Variants in SGCZ observed in about 807,000 individuals in gnomAD.
SGCZ encodes the protein sarcoglycan zeta, also known as zeta-sarcoglycan.
SGCZ carries 40 observed loss-of-function variants against 41.3 expected under a neutral mutation model. The ratio of observed to expected loss-of-function variants is 0.97; its 90% CI spans 0.75 to 1.26. SGCZ has a LOEUF of 1.26. SGCZ is among the 50% of genes most tolerant of loss of function. The pLI is 0.00. For synonymous variants in SGCZ, 206 were observed against 137.5 expected (o/e 1.50, Z -3.49); for missense variants, 552 against 369.8 (o/e 1.49, Z -4.04).
At chr8:15,188,375 ATC>A (rs1400018016) in intron 1 of SGCZ, among the ~76,000 whole-genome samples, 1 of 152,152 alleles carries the variant, frequency 6.6e-6, no homozygotes, top group Non-Finnish European at 1.5e-5. Context: ...ATTTTAAAGT[ATC>A]TCTCTGTTAA....
intron 1 of SGCZ, among the ~76,000 whole-genome samples, chr8:15,021,452 G>T (rs73665370): frequency 3.7e-4 from 56 of 152,290 alleles, no homozygotes; most frequent in African/African-American, 1.2e-3. Flanking sequence ...ATCAGAATCT[G>T]TTGGCTTATC....
At chr8:14,263,173 CA>C (rs1475684087) in intron 3 of SGCZ, among the ~76,000 whole-genome samples, 2 of 151,872 alleles carry the variant, frequency 1.3e-5, no homozygotes, top group African/African-American at 4.8e-5. Context: ...TATTTTTCAA[CA>C]AATCGTAAGT....
chr8:14,944,338 G>C (rs1246243470), intron 1 of SGCZ, among the ~76,000 whole-genome samples: 3 of 152,098 alleles, frequency 2.0e-5, no homozygotes, highest in African/African-American at 7.2e-5. Context: ...GAATATTTTT[G>C]AATAACCAGT....
Position 14,776,577 on chromosome 8 carries a change from T to C in SGCZ, c.40-221651A>G, listed in dbSNP as rs1442339817. On this transcript the variant is annotated intron_variant, in intron 1 of 7. Transcript: ENST00000382080. ...TCTGTCGCCCATGCTCACTGCAAGC[T>C]CAGCCTCCCGGGTTCAGGCCATTCT... 2.1e-5 allele frequency among the ~76,000 whole-genome samples: 3 copies of C among 143,746 alleles called. No homozygotes were observed. The Admixed American group carries it at 2.3e-4, about 11-fold the overall frequency. 94.3% of individuals were successfully genotyped at this position (143,746 alleles called of 152,430 possible).
At chr8:14,508,524 A>G (rs1802374877) in intron 2 of SGCZ, among the ~76,000 whole-genome samples, 1 of 152,096 alleles carries the variant, frequency 6.6e-6, no homozygotes, top group African/African-American at 2.4e-5. Flanking sequence ...TGCCACTTGA[A>G]CTAGGCATGT....
At chr8:15,166,243 CTT>C (rs1167112993) in intron 1 of SGCZ, among the ~76,000 whole-genome samples, 1 of 129,310 alleles carries the variant, frequency 7.7e-6, no homozygotes, top group Non-Finnish European at 1.7e-5. Flanking sequence ...TTTTTTTTTT[CTT>C]TTTTTTTTTT....
intron 3 of SGCZ, among the ~76,000 whole-genome samples, chr8:14,249,031 G>A (rs1158427701): frequency 1.3e-5 from 2 of 152,178 alleles, no homozygotes; most frequent in Admixed American, 6.5e-5. Flanking sequence ...CAGTTAGACT[G>A]GAGATGGGTG....
rs1026723226 is a variant in SGCZ, at chr8:14,309,527, T to C, written c.336+14576A>G. The C allele has an allele frequency of 3.1e-6, 5 of 1,609,914 alleles. No homozygotes were observed. In the African/African-American group the frequency reaches 5.4e-5, roughly 17 times the overall value. On this transcript the variant is annotated intron_variant, in intron 3 of 7. Coordinates refer to ENST00000382080, the MANE Select transcript of SGCZ (RefSeq NM_139167.4). The stretch of plus-strand genomic sequence containing the variant: ...TAAGAGAGCAGTGTGGACTACTGAA[T>C]GTGAAAACAAAGAAGCTGTTACACA...
intron 1 of SGCZ, among the ~76,000 whole-genome samples, chr8:15,230,829 T>A (rs1427710244): frequency 6.6e-6 from 1 of 152,156 alleles, no homozygotes; most frequent in Non-Finnish European, 1.5e-5. Context: ...TTGGACAAAT[T>A]CTTCAACTGT....
intron 1 of SGCZ, among the ~76,000 whole-genome samples, chr8:14,923,431 T>C (rs1172661188): frequency 6.6e-6 from 1 of 152,158 alleles, no homozygotes; most frequent in African/African-American, 2.4e-5. Flanking sequence ...GCAGAGACAA[T>C]GTAGAGATGG....
chr8:14,972,748 T>C (rs529799312), intron 1 of SGCZ, among the ~76,000 whole-genome samples: 1 of 152,316 alleles, frequency 6.6e-6, no homozygotes, highest in East Asian at 1.9e-4. Flanking sequence ...ACCACTTCAA[T>C]TAGAGTTTAA....
intron 1 of SGCZ, among the ~76,000 whole-genome samples, chr8:14,918,507 A>T (rs1296766601): frequency 6.6e-6 from 1 of 152,182 alleles, no homozygotes. Context: ...GGATCTTCCT[A>T]CTCACTAGAA....
At chr8:14,752,993 T>A (rs1431666191) in intron 1 of SGCZ, among the ~76,000 whole-genome samples, 1 of 152,204 alleles carries the variant, frequency 6.6e-6, no homozygotes, top group Non-Finnish European at 1.5e-5. Flanking sequence ...CAGCAATTGG[T>A]CTGTTTTCAT....
At chr8:14,630,087 T>C (rs1193106858) in intron 1 of SGCZ, among the ~76,000 whole-genome samples, 1 of 152,170 alleles carries the variant, frequency 6.6e-6, no homozygotes, top group Non-Finnish European at 1.5e-5. Flanking sequence ...AGGAAGGTTT[T>C]CCTTAAGCAT....
intron 2 of SGCZ, among the ~76,000 whole-genome samples, chr8:14,338,534 T>G (rs563580087): frequency 6.6e-6 from 1 of 152,316 alleles, no homozygotes; most frequent in Non-Finnish European, 1.5e-5. Context: ...TGTCACAGCT[T>G]GATTTCTCTC....
intron 1 of SGCZ, among the ~76,000 whole-genome samples, chr8:14,723,153 G>T (rs781569762): frequency 5.9e-5 from 9 of 152,202 alleles, no homozygotes; most frequent in African/African-American, 2.2e-4. Flanking sequence ...CCAGGGAAGT[G>T]CCACTCCCAT....
intron 1 of SGCZ, among the ~76,000 whole-genome samples, chr8:15,187,873 CAAAAAT>C (rs1281113828): frequency 6.6e-6 from 1 of 151,416 alleles, no homozygotes; most frequent in Non-Finnish European, 1.5e-5. Flanking sequence ...TTTTATAAAA[CAAAAAT>C]AAACTCACCA....
At chr8:14,333,903 T>G (rs1802421492) in intron 2 of SGCZ, among the ~76,000 whole-genome samples, 1 of 152,132 alleles carries the variant, frequency 6.6e-6, no homozygotes. Flanking sequence ...CACAGATGTT[T>G]AGGAAGTCTA....
At chr8:15,097,813 T>C (rs1806412876) in intron 1 of SGCZ, among the ~76,000 whole-genome samples, 4 of 101,184 alleles carry the variant, frequency 4.0e-5, no homozygotes, top group Admixed American at 9.3e-5. Context: ...TATATATATA[T>C]ACGTGTGTGT....
Sources: allele counts gnomAD v4.1 joint callset (sites outside exome capture counted in the v4.1 genomes callset), GRCh38; gene constraint gnomAD v4.1.1; transcripts MANE v1.5; gene names NCBI Gene and HGNC (gene_info 2026-07-23, HGNC 2026-07-21).